The following THSD7B variants were observed in gnomAD, a reference collection of about 807,000 sequenced individuals.
THSD7B encodes the protein thrombospondin type-1 domain-containing protein 7B.
A neutral mutation model predicts 213.6 loss-of-function variants in THSD7B; 138 were observed. The ratio of observed to expected loss-of-function variants is 0.65; its 90% CI spans 0.56 to 0.74. THSD7B has a LOEUF of 0.74. THSD7B is among the 30% of genes least tolerant of loss of function. THSD7B has a pLI of 0.00. For synonymous variants in THSD7B, 742 were observed against 687.0 expected, an observed-to-expected ratio of 1.08 and a Z score of -1.25; for missense variants, 1,931 against 1,991.5, an observed-to-expected ratio of 0.97 and a Z score of 0.58.
intron 7 of THSD7B, among the ~76,000 whole-genome samples, chr2:137,173,337 G>A (rs1241682551): frequency 6.6e-6 from 1 of 152,172 alleles, no homozygotes; most frequent in African/African-American, 2.4e-5. Flanking sequence ...AAGATCATTG[G>A]TTTGGTTGGA....
intron 1 of THSD7B, among the ~76,000 whole-genome samples, chr2:136,851,892 A>G (rs1364124091): frequency 6.6e-6 from 1 of 151,828 alleles, no homozygotes; most frequent in Non-Finnish European, 1.5e-5. Flanking sequence ...ATCTAACCAC[A>G]GGGAAAGATG....
At chr2:136,862,502 T>C (rs957068738) in intron 1 of THSD7B, among the ~76,000 whole-genome samples, 7 of 152,098 alleles carry the variant, frequency 4.6e-5, no homozygotes, top group Admixed American at 1.3e-4. Flanking sequence ...GGCACTAAGG[T>C]ATGAGTATGA....
chr2:136,893,178 C>A (rs915584427), intron 2 of THSD7B, among the ~76,000 whole-genome samples: 4 of 152,186 alleles, frequency 2.6e-5, no homozygotes, highest in Middle Eastern at 3.4e-3. Context: ...ATAATTGACC[C>A]AGGTATCCTC....
chr2:137,011,611 C>A (rs2104834573), intron 2 of THSD7B, among the ~76,000 whole-genome samples: 1 of 152,302 alleles, frequency 6.6e-6, no homozygotes, highest in South Asian at 2.1e-4. Context: ...CAGGAAGCTT[C>A]TCCATCTTTC....
In THSD7B at chr2:137,095,105, C is replaced by A. The variant is rs746519581; in HGVS notation, c.1183C>A (p.Leu395Met). The A allele has an allele frequency of 7.9e-5, 128 of 1,613,708 alleles. 2 individuals are homozygous for A. In the South Asian group the frequency reaches 1.4e-3, roughly 17 times the overall value. ...GGCCTGCATTGTTGAAGGAGAACTT[C>A]TGCAGCAATGTCCCAGGTATTACGC... is the stretch of plus-strand genomic sequence containing the variant. ...KEACIVEGEL[L>M]QQCPRYSWRT... Residue 395 changes from leucine to methionine, a missense_variant, in exon 4 of 28, where the codon CTG becomes ATG. Physicochemically the swap from Leu to Met is conservative, Grantham distance 15. Coordinates refer to ENST00000409968, the MANE Select transcript of THSD7B (RefSeq NM_001316349.2).
chr2:137,106,920 G>A (rs1183094916), intron 4 of THSD7B, among the ~76,000 whole-genome samples: 1 of 152,154 alleles, frequency 6.6e-6, no homozygotes, highest in Non-Finnish European at 1.5e-5. Flanking sequence ...TGGAGAAATA[G>A]GAATGCTTTT....
At chr2:136,831,329 C>G (rs1456006833) in intron 1 of THSD7B, among the ~76,000 whole-genome samples, 1 of 151,876 alleles carries the variant, frequency 6.6e-6, no homozygotes, top group African/African-American at 2.4e-5. Flanking sequence ...TTTATTTGAC[C>G]CATATAACCT....
intron 2 of THSD7B, among the ~76,000 whole-genome samples, chr2:137,013,294 T>C (rs1448684141): frequency 6.6e-6 from 1 of 152,150 alleles, no homozygotes; most frequent in Non-Finnish European, 1.5e-5. Flanking sequence ...AAGATGGTGA[T>C]CCCTGAGAGA....
chr2:136,971,954 A>G (rs1359879612), intron 2 of THSD7B, among the ~76,000 whole-genome samples: 1 of 152,152 alleles, frequency 6.6e-6, no homozygotes, highest in Non-Finnish European at 1.5e-5. Flanking sequence ...TAGTTGCAGA[A>G]GTTCCAGTGA....
At chr2:137,320,325 T>A (rs1035215373) in intron 12 of THSD7B, among the ~76,000 whole-genome samples, 12 of 152,206 alleles carry the variant, frequency 7.9e-5, no homozygotes, top group African/African-American at 2.9e-4. Context: ...CACAGTATTG[T>A]TAATCATTTT....
chr2:137,364,335 A>G (rs1685351883), intron 12 of THSD7B, among the ~76,000 whole-genome samples: 1 of 152,216 alleles, frequency 6.6e-6, no homozygotes, highest in South Asian at 2.1e-4. Context: ...AAACTGGCAC[A>G]AGACATGGAT....
chr2:137,671,712 A>G (rs918113576), intron 27 of THSD7B, among the ~76,000 whole-genome samples: 5 of 152,138 alleles, frequency 3.3e-5, no homozygotes, highest in South Asian at 2.1e-4. Context: ...TGTGGGGATT[A>G]TGGGGTTTAT....
chr2:136,944,001 T>C (rs887905570), intron 2 of THSD7B, among the ~76,000 whole-genome samples: 1 of 152,248 alleles, frequency 6.6e-6, no homozygotes, highest in Non-Finnish European at 1.5e-5. Flanking sequence ...TCTTTCCTGC[T>C]TTCTCTTGTG....
At chr2:137,333,207 G>A (rs1393478606) in intron 12 of THSD7B, among the ~76,000 whole-genome samples, 1 of 152,146 alleles carries the variant, frequency 6.6e-6, no homozygotes, top group Non-Finnish European at 1.5e-5. Context: ...CTGCCCAGCA[G>A]CAGGTTCCGA....
At position 137,411,696 on chromosome 2, in the gene THSD7B, C is replaced by T; in HGVS notation, c.2783C>T (p.Ser928Phe). ...CTATGTCCTTGTGATGAATTTATAT[C>T]CCAACCTTATGGAAACTGGTCAGAT... ...TELCPCDEFISQPYGNWSDCI... is the reference protein window; with the variant it reads ...TELCPCDEFIFQPYGNWSDCI... The change falls in exon 14 of 28, where the codon TCC becomes TTC. Residue 928 changes from serine (S) to phenylalanine (F), a missense_variant. Coordinates refer to ENST00000409968, the MANE Select transcript of THSD7B (RefSeq NM_001316349.2). 1 of 1,613,956 alleles carries T rather than the reference C, an allele frequency of 6.2e-7. No homozygotes were observed.
At chr2:137,050,419 CAG>C (rs1295915898) in intron 2 of THSD7B, among the ~76,000 whole-genome samples, 6 of 152,166 alleles carry the variant, frequency 3.9e-5, no homozygotes, top group Non-Finnish European at 8.8e-5. Context: ...AAGTAAGTAA[CAG>C]AGGCATTTTG....
chr2:137,585,766 G>C (rs1399467708), intron 17 of THSD7B, among the ~76,000 whole-genome samples: 9 of 152,168 alleles, frequency 5.9e-5, no homozygotes, highest in East Asian at 1.9e-4. Flanking sequence ...CAACTATGTG[G>C]TCAATTTAGG....
intron 12 of THSD7B, among the ~76,000 whole-genome samples, chr2:137,321,038 G>C (rs1008128399): frequency 2.6e-5 from 4 of 152,132 alleles, no homozygotes; most frequent in Admixed American, 6.6e-5. Context: ...TAAAATAATT[G>C]TAACACCTAC....
intron 12 of THSD7B, among the ~76,000 whole-genome samples, chr2:137,378,872 T>G (rs1685717150): frequency 6.6e-6 from 1 of 152,184 alleles, no homozygotes; most frequent in South Asian, 2.1e-4. Flanking sequence ...GAGTTTAAGA[T>G]GTTTCTCCTC....
Sources: allele counts gnomAD v4.1 joint callset (sites outside exome capture counted in the v4.1 genomes callset), GRCh38; gene constraint gnomAD v4.1.1; transcripts MANE v1.5; gene names NCBI Gene and HGNC (gene_info 2026-07-23, HGNC 2026-07-21).